Variants in REC114 observed in about 807,000 individuals in gnomAD.
The protein encoded by REC114 is REC114 meiotic recombination protein, also known as meiotic recombination protein REC114.
REC114 carries 27 observed loss-of-function variants against 31.3 expected under a neutral mutation model. The observed-to-expected ratio is 0.86, with a 90% CI of 0.64 to 1.19. The LOEUF is 1.19. Among genes scored for constraint, REC114 ranks in the 50% most tolerant of loss-of-function variants. The probability of loss-of-function intolerance (pLI) is 0.00; values close to 1 mark genes in which losing one functional copy is unlikely to be tolerated. For missense variants in REC114, 344 were observed against 326.9 expected, an observed-to-expected ratio of 1.05 and a Z score of -0.40; for synonymous variants, 134 against 127.7, an observed-to-expected ratio of 1.05 and a Z score of -0.33.
intron 1 of REC114, among the ~76,000 whole-genome samples, chr15:73,447,857 G>A (rs148349895): frequency 6.6e-6 from 1 of 152,152 alleles, no homozygotes; most frequent in African/African-American, 2.4e-5. Context: ...CCGAAGCAGG[G>A]TGGGGCATCA....
chr15:73,487,856 C>T (rs1487850314), intron 2 of REC114, among the ~76,000 whole-genome samples: 1 of 151,874 alleles, frequency 6.6e-6, no homozygotes, highest in Non-Finnish European at 1.5e-5. Flanking sequence ...TCTACAGTGG[C>T]CCCACCATGT....
At chr15:73,544,679 G>A (rs1312862337) in intron 3 of REC114, among the ~76,000 whole-genome samples, 1 of 152,186 alleles carries the variant, frequency 6.6e-6, no homozygotes, top group African/African-American at 2.4e-5. Context: ...TTTTTAAAAT[G>A]ATTTCGTCTA....
At chr15:73,499,184 G>T (rs150746524) in intron 2 of REC114, among the ~76,000 whole-genome samples, 4 of 151,894 alleles carry the variant, frequency 2.6e-5, no homozygotes, top group Non-Finnish European at 5.9e-5. Flanking sequence ...GAATTACTCC[G>T]ATTCCTTTAG....
intron 2 of REC114, among the ~76,000 whole-genome samples, chr15:73,522,879 T>C (rs1660914053): frequency 6.6e-6 from 1 of 152,214 alleles, no homozygotes; most frequent in African/African-American, 2.4e-5. Context: ...GGTTGTACCA[T>C]TGTACACACC....
intron 4 of REC114, among the ~76,000 whole-genome samples, chr15:73,552,471 T>C (rs1440625658): frequency 6.6e-6 from 1 of 152,220 alleles, no homozygotes; most frequent in Non-Finnish European, 1.5e-5. Flanking sequence ...GGTTTATTAT[T>C]TTTAATGAAC....
At chr15:73,530,134 C>T (rs1205347321) in intron 2 of REC114, among the ~76,000 whole-genome samples, 4 of 152,174 alleles carry the variant, frequency 2.6e-5, no homozygotes, top group African/African-American at 7.2e-5. Context: ...TGAGCTATCT[C>T]AGTCTGAGAT....
At chr15:73,464,309 AATT>A (rs1343964347) in intron 1 of REC114, among the ~76,000 whole-genome samples, 1 of 151,994 alleles carries the variant, frequency 6.6e-6, no homozygotes, top group Non-Finnish European at 1.5e-5. Flanking sequence ...TGTGAATAAT[AATT>A]ATATTTATCA....
intron 2 of REC114, among the ~76,000 whole-genome samples, chr15:73,535,177 C>T (rs1403919070): frequency 6.8e-6 from 1 of 146,380 alleles, no homozygotes; most frequent in Non-Finnish European, 1.5e-5. Flanking sequence ...AAGTTCTGGC[C>T]AGGGCAATTA....
intron 2 of REC114, 150 bp downstream of exon 2, chr15:73,474,071 G>A: frequency 1.5e-6 from 1 of 652,224 alleles, no homozygotes; most frequent in South Asian, 1.8e-5. Flanking sequence ...ATAATAGTGG[G>A]AAATACAGAA....
Position 73,540,533 on chromosome 15 carries a change from C to A in REC114, c.298C>A (p.Arg100Ser). 1 of 1,613,788 alleles carries A rather than the reference C, an allele frequency of 6.2e-7. No individual in the cohort carries two copies. The highest frequency in any genetic ancestry group is 8.5e-7 in the Non-Finnish European group (1 of 1,179,784). ...GSKDWLKIVR[R>S]VDCLLFGTTI... ...CAAGGACTGGTTGAAGATTGTAAGA[C>A]GCGTGGATTGTCTGTTGTTTGGAAC... The change falls in exon 3 of 6, where the codon CGC becomes AGC. Residue 100 changes from arginine to serine, a missense_variant. Transcript: ENST00000331090.
At chr15:73,542,022 T>C (rs1328104608) in intron 3 of REC114, among the ~76,000 whole-genome samples, 2 of 150,848 alleles carry the variant, frequency 1.3e-5, no homozygotes, top group Non-Finnish European at 3.0e-5. Flanking sequence ...ACCAGATTTC[T>C]TTTTTTTTCA....
At chr15:73,522,119 T>C (rs1389145959) in intron 2 of REC114, among the ~76,000 whole-genome samples, 1 of 152,172 alleles carries the variant, frequency 6.6e-6, no homozygotes, top group Non-Finnish European at 1.5e-5. Flanking sequence ...TTTCAAAGAA[T>C]CTGCCTGTCC....
chr15:73,516,175 A>G (rs890285623), intron 2 of REC114, among the ~76,000 whole-genome samples: 15 of 152,002 alleles, frequency 9.9e-5, no homozygotes, highest in African/African-American at 3.4e-4. Context: ...TAGTAGAGAC[A>G]GGGTTTCACC....
intron 2 of REC114, among the ~76,000 whole-genome samples, chr15:73,498,207 A>G (rs1360991018): frequency 1.3e-5 from 2 of 151,724 alleles, no homozygotes; most frequent in Non-Finnish European, 2.9e-5. Context: ...GATACCTATG[A>G]CAATACTGTG....
At chr15:73,541,207 A>T (rs1894233244) in intron 3 of REC114, among the ~76,000 whole-genome samples, 1 of 152,174 alleles carries the variant, frequency 6.6e-6, no homozygotes, top group Admixed American at 6.5e-5. Flanking sequence ...TCTCCATAGA[A>T]TTCAGGGGGT....
chr15:73,538,874 CTGAGT>C (rs1445925426), intron 2 of REC114, among the ~76,000 whole-genome samples: 1 of 151,342 alleles, frequency 6.6e-6, no homozygotes, highest in African/African-American at 2.4e-5. Context: ...TGATGCATAC[CTGAGT>C]TGTTTCCAAT....
At chr15:73,485,605 T>C (rs182857553) in intron 2 of REC114, among the ~76,000 whole-genome samples, 1 of 152,286 alleles carries the variant, frequency 6.6e-6, no homozygotes. Context: ...TTACATAAAG[T>C]GTGTGGCGCT....
intron 2 of REC114, among the ~76,000 whole-genome samples, chr15:73,525,566 C>T (rs1247611682): frequency 6.0e-5 from 9 of 151,134 alleles, no homozygotes; most frequent in African/African-American, 2.2e-4. Context: ...ATGTTTTATT[C>T]TGTGATTTTT....
intron 2 of REC114, among the ~76,000 whole-genome samples, chr15:73,513,508 G>A (rs1289307653): frequency 7.4e-5 from 11 of 149,276 alleles, no homozygotes; most frequent in Admixed American, 2.7e-4. Flanking sequence ...TCCTTTGGAG[G>A]AGGAGAGGCG....
Sources: allele counts gnomAD v4.1 joint callset (sites outside exome capture counted in the v4.1 genomes callset), GRCh38; gene constraint gnomAD v4.1.1; transcripts MANE v1.5; gene names NCBI Gene and HGNC (gene_info 2026-07-23, HGNC 2026-07-21).